GPC6: variants seen among roughly 807,000 people sequenced by gnomAD.
The protein encoded by GPC6 is glypican 6, also known as glypican-6.
In GPC6, 14 loss-of-function variants were observed where a neutral mutation model predicts 55.2. The observed-to-expected ratio is 0.25, with a 90% CI of 0.17 to 0.40. The LOEUF (loss-of-function observed/expected upper bound fraction) is 0.40, where lower values mean the gene tolerates loss of function less well. Ranked by LOEUF, GPC6 falls within the 10% of genes least tolerant of loss-of-function variation. The pLI, the probability that GPC6 is intolerant of heterozygous loss-of-function variation, is 1.00. For synonymous variants in GPC6, 278 were observed against 259.6 expected (o/e 1.07, Z -0.68); for missense variants, 641 against 708.5 (o/e 0.90, Z 1.08).
At chr13:94,001,806 G>A (rs574106547) in intron 3 of GPC6, among the ~76,000 whole-genome samples, 66 of 152,276 alleles carry the variant, frequency 4.3e-4, no homozygotes, top group Admixed American at 9.8e-4. Context: ...AAACAGTCAT[G>A]GAAGATTTTG....
intron 3 of GPC6, among the ~76,000 whole-genome samples, chr13:94,023,909 T>C (rs1182957218): frequency 6.6e-6 from 1 of 152,068 alleles, no homozygotes; most frequent in East Asian, 1.9e-4. Flanking sequence ...TTTATTTATA[T>C]AGAATTCTTG....
intron 5 of GPC6, among the ~76,000 whole-genome samples, chr13:94,288,855 TAA>T (rs1874725994): frequency 5.9e-5 from 1 of 16,856 alleles, no homozygotes; most frequent in East Asian, 1.9e-3. Context: ...ATATATATAA[TAA>T]ATATATATAT....
chr13:94,237,677 G>A (rs1163255069), intron 4 of GPC6, among the ~76,000 whole-genome samples: 11 of 152,084 alleles, frequency 7.2e-5, no homozygotes, highest in African/African-American at 2.7e-4. Flanking sequence ...ATAACAGAAC[G>A]AAGGCTGGTG....
intron 6 of GPC6, among the ~76,000 whole-genome samples, chr13:94,341,447 G>T (rs1027042624): frequency 6.6e-6 from 1 of 152,036 alleles, no homozygotes; most frequent in African/African-American, 2.4e-5. Context: ...TTAGCCAGAT[G>T]TGGTGGCGTG....
chr13:93,780,203 A>G (rs1885594276), intron 2 of GPC6, among the ~76,000 whole-genome samples: 2 of 152,204 alleles, frequency 1.3e-5, no homozygotes, highest in African/African-American at 4.8e-5. Flanking sequence ...CTGTGAAGAA[A>G]ACACACCAGT....
intron 6 of GPC6, among the ~76,000 whole-genome samples, chr13:94,337,669 A>G (rs1466654243): frequency 6.6e-6 from 1 of 152,044 alleles, no homozygotes; most frequent in Non-Finnish European, 1.5e-5. Flanking sequence ...GCTGGTCTTG[A>G]TCTCCCGACC....
chr13:94,335,036 T>C (rs906541090), intron 6 of GPC6, among the ~76,000 whole-genome samples: 5 of 152,318 alleles, frequency 3.3e-5, no homozygotes, highest in South Asian at 2.1e-4. Flanking sequence ...TTATTACTCA[T>C]GGGCTTGGTC....
chr13:93,994,440 G>A (rs9524305), intron 3 of GPC6, among the ~76,000 whole-genome samples: 19,283 of 152,092 alleles, frequency 0.13, 1,454 homozygotes, highest in East Asian at 0.27. Flanking sequence ...TGTTCCTATA[G>A]AGCACATTTT....
chr13:93,963,187 A>G (rs1879866097), intron 3 of GPC6, among the ~76,000 whole-genome samples: 1 of 152,194 alleles, frequency 6.6e-6, no homozygotes, highest in Non-Finnish European at 1.5e-5. Flanking sequence ...AGTATTATTA[A>G]GTAAACAAAA....
intron 1 of GPC6, among the ~76,000 whole-genome samples, chr13:93,460,968 T>C (rs1878660458): frequency 1.3e-5 from 2 of 152,210 alleles, no homozygotes; most frequent in Admixed American, 1.3e-4. Context: ...TAGAAAACTT[T>C]ATAAAATGAG....
At chr13:93,638,849 T>A (rs1879801960) in intron 2 of GPC6, among the ~76,000 whole-genome samples, 1 of 152,166 alleles carries the variant, frequency 6.6e-6, no homozygotes, top group Non-Finnish European at 1.5e-5. Context: ...AATAATGTTG[T>A]AAGTTTTATT....
At chr13:93,314,750 T>TGCGCGCGC (rs1331821835) in intron 1 of GPC6, among the ~76,000 whole-genome samples, 1 of 104,806 alleles carries the variant, frequency 9.5e-6, no homozygotes, top group African/African-American at 3.8e-5. Flanking sequence ...TGTGTGTGTG[T>TGCGCGCGC]GTGTGTGCAC....
At chr13:94,355,590 G>A (rs1391946412) in intron 6 of GPC6, among the ~76,000 whole-genome samples, 3 of 152,136 alleles carry the variant, frequency 2.0e-5, no homozygotes, top group Non-Finnish European at 4.4e-5. Context: ...TGATGAAATT[G>A]TATGCTATTA....
At chr13:94,261,895 C>G (rs1891668595) in intron 4 of GPC6, among the ~76,000 whole-genome samples, 1 of 152,166 alleles carries the variant, frequency 6.6e-6, no homozygotes, top group Non-Finnish European at 1.5e-5. Context: ...GTAGGCTGTT[C>G]TTTTTCAGAA....
intron 2 of GPC6, among the ~76,000 whole-genome samples, chr13:93,809,689 G>A (rs963793724): frequency 2.6e-5 from 4 of 152,190 alleles, no homozygotes; most frequent in Non-Finnish European, 4.4e-5. Flanking sequence ...GCAACTGACA[G>A]CTGCCACCAC....
At chr13:94,196,712 C>T (rs1348420372) in intron 4 of GPC6, among the ~76,000 whole-genome samples, 1 of 152,170 alleles carries the variant, frequency 6.6e-6, no homozygotes, top group Non-Finnish European at 1.5e-5. Context: ...CGAGAGTTGG[C>T]ATAACCCCAT....
At chr13:93,761,085 G>T (rs1884938159) in intron 2 of GPC6, among the ~76,000 whole-genome samples, 1 of 151,988 alleles carries the variant, frequency 6.6e-6, no homozygotes, top group African/African-American at 2.4e-5. Flanking sequence ...AATTTATATT[G>T]CATTTTCATT....
At chr13:93,223,261 G>A (rs534337857), upstream of GPC6, among the ~76,000 whole-genome samples, 10 of 152,160 alleles carry the variant, frequency 6.6e-5, no homozygotes, top group African/African-American at 2.2e-4. Flanking sequence ...TCAAGACTGT[G>A]TCTATTTTTC....
At chr13:93,314,214 C>G (rs573523902) in intron 1 of GPC6, among the ~76,000 whole-genome samples, 42 of 152,008 alleles carry the variant, frequency 2.8e-4, no homozygotes, top group African/African-American at 9.2e-4. Flanking sequence ...TCAATAATTT[C>G]TTTTATCCCT....
Sources: gnomAD v4.1 joint callset for allele counts (sites outside exome capture counted in the v4.1 genomes callset) on GRCh38, gnomAD v4.1.1 for gene constraint, MANE v1.5 for transcripts, NCBI Gene and HGNC (gene_info 2026-07-23, HGNC 2026-07-21) for gene names.